Variants in MIA3 observed in about 807,000 individuals in gnomAD.
MIA3 encodes the protein transport and Golgi organization protein 1 homolog.
Under a neutral mutation model 192.4 loss-of-function variants are expected in MIA3, and 90 were observed. The ratio of observed to expected loss-of-function variants is 0.47; its 90% CI spans 0.39 to 0.56. The LOEUF (loss-of-function observed/expected upper bound fraction) is 0.56. Among genes scored for constraint, MIA3 ranks in the 20% least tolerant of loss-of-function variants. MIA3 has a pLI of 0.00. For missense variants in MIA3, 2,123 were observed against 2,269.4 expected (o/e 0.94, Z 1.31); for synonymous variants, 740 against 792.8 (o/e 0.93, Z 1.12).
Position 222,665,334 on chromosome 1 carries a change from C to T in MIA3, c.5439C>T (p.Gly1813=). 1 of 1,613,246 alleles carries T rather than the reference C, an allele frequency of 6.2e-7. No individual in the cohort carries two copies. The highest frequency in any genetic ancestry group is 8.5e-7 in the Non-Finnish European group (1 of 1,179,618). ...GCCCTGGTATGCGTCCACCACTAGG[C>T]TTAAGAGAATTTGCACCAGGCGTTC... ...PFGPGMRPPL[G]LREFAPGVPP... The change falls in exon 28 of 28, where the codon GGC becomes GGT. Residue 1813 remains glycine, a synonymous_variant. Transcript: ENST00000344922.
chr1:222,664,984 GC>G (rs1313499583), intron 27 of MIA3: 1 of 430,886 alleles, frequency 2.3e-6, no homozygotes, highest in Admixed American at 3.0e-5. Flanking sequence ...GATCCCTTGA[GC>G]CTAGGAGTTT....
chr1:222,627,762 CAGT>C lies in MIA3; in HGVS notation c.545_547del (p.Val182del). On this transcript the variant is annotated inframe_deletion, in exon 4 of 28. Transcript: ENST00000344922. Reference sequence around the variant, plus strand: ...AAGGAAAGGGAACCTGAACCTGAACCAGTAGAAGCCAACTCAGAGGAAAGTGAT... The same window carrying C: ...AAGGAAAGGGAACCTGAACCTGAACCAGAAGCCAACTCAGAGGAAAGTGAT... 6.2e-7 allele frequency: 1 copy of C among 1,612,868 alleles called. No homozygotes were observed. The highest frequency in any genetic ancestry group is 8.5e-7 in the Non-Finnish European group (1 of 1,179,704).
Position 222,659,235 on chromosome 1 carries a change from G to A in MIA3, c.4710-218G>A, listed in dbSNP as rs530667039. On this transcript the variant is annotated intron_variant, in intron 19 of 27. Coordinates refer to ENST00000344922, the MANE Select transcript of MIA3 (RefSeq NM_198551.4). The stretch of plus-strand genomic sequence containing the variant: ...ATATTTAGGAACAGTTAAAGGAATT[G>A]TAATATATCAACTCAATCTCCAGCT... 5.4e-5 allele frequency: 30 copies of A among 554,092 alleles called. 1 individual carries two copies. The South Asian group carries it at 5.6e-4, about 10-fold the overall frequency. The allele number at this position is 554,092 out of a possible 1,614,324, so 34.3% of individuals were successfully genotyped here. A position where few individuals can be genotyped will look rare whatever the true frequency, so the allele number is the denominator to read the frequency against.
At chr1:222,618,962 T>C (rs766605866) in intron 1 of MIA3, among the ~76,000 whole-genome samples, 3 of 152,182 alleles carry the variant, frequency 2.0e-5, no homozygotes, top group Non-Finnish European at 4.4e-5. Context: ...GAAGCCGCCT[T>C]GCAGACTGCT....
chr1:222,650,702 T>G lies in MIA3; in HGVS notation c.3789T>G (p.Ile1263Met). Reference protein sequence around the residue: ...KQNMILSDEAIKYKDKIKTLE... With the variant: ...KQNMILSDEAMKYKDKIKTLE... The stretch of plus-strand genomic sequence containing the variant: ...ATATGATTCTCTCTGATGAAGCAAT[T>G]AAATATAAGGTAAAAACTTCTTTTG... The change falls in exon 10 of 28, where the codon ATT becomes ATG. Residue 1263 changes from isoleucine (I) to methionine (M), a missense_variant. This residue lies in a region of MIA3 where 762 missense variants were observed against 856.4 expected (regional missense o/e 0.89). Transcript: ENST00000344922. 1 of 1,595,722 alleles carries G rather than the reference T, an allele frequency of 6.3e-7. No individual in the cohort carries two copies. Among genetic ancestry groups the G allele is most frequent in the Non-Finnish European group, 8.6e-7 (1 of 1,169,324 alleles).
chr1:222,660,364 CTTTTATT>C, intron 24 of MIA3, 50 bp downstream of exon 24: 8 of 1,556,310 alleles, frequency 5.1e-6, no homozygotes, highest in Non-Finnish European at 6.9e-6. Flanking sequence ...GGCTTTTTCC[CTTTTATT>C]TGAGAATTCT....
chr1:222,651,962 GTTTTT>G lies in MIA3; in HGVS notation c.3910-14_3910-10del. The stretch of plus-strand genomic sequence containing the variant: ...AATCCTAATATGCATTTTGTGTTCT[GTTTTT>G]ACATGGCAGATATCAGAAAACAAGA... On this transcript the variant is annotated splice_polypyrimidine_tract_variant and intron_variant, in intron 11 of 27. Transcript: ENST00000344922. 2.1e-6 allele frequency: 3 copies of G among 1,439,818 alleles called. No individual in the cohort carries two copies. Among genetic ancestry groups the G allele is most frequent in the Non-Finnish European group, 2.9e-6 (3 of 1,022,536 alleles). 89.2% of individuals were successfully genotyped at this position (1,439,818 alleles called of 1,614,324 possible).
At position 222,627,893 on chromosome 1, in the gene MIA3, G is replaced by C. The variant is rs184666801; in HGVS notation, c.673G>C (p.Ala225Pro). ...AGCAAATCATGCTCAGGGAGAGCAG[G>C]CTTCATTTGAATCTTTTGAAGAAAT... ...SQANHAQGEQ[A>P]SFESFEEMLQ... The change falls in exon 4 of 28, where the codon GCT becomes CCT. Residue 225 changes from alanine (A) to proline (P), a missense_variant. By Grantham distance (27) the Ala-to-Pro change is conservative (BLOSUM62 -1). Coordinates refer to ENST00000344922, the MANE Select transcript of MIA3 (RefSeq NM_198551.4). 4,242 of 1,614,016 alleles carry C rather than the reference G, an allele frequency of 2.6e-3. 14 individuals carry two copies. The highest frequency in any genetic ancestry group is 2.5e-3 in the Non-Finnish European group (2,973 of 1,180,018).
In MIA3 at chr1:222,652,347, G is replaced by A. The variant is rs368138570; in HGVS notation, c.4086+15G>A. 2.1e-5 allele frequency: 32 copies of A among 1,527,572 alleles called. No homozygotes were observed. Among genetic ancestry groups the A allele is most frequent in the South Asian group, 5.6e-5 (5 of 89,372 alleles). 94.6% of individuals were successfully genotyped at this position (1,527,572 alleles called of 1,614,324 possible). On this transcript the variant is annotated intron_variant, in intron 13 of 27. Coordinates refer to ENST00000344922, the MANE Select transcript of MIA3 (RefSeq NM_198551.4). ...AAAAAGAGCAGGTAAAGGAAAGTGC[G>A]TGTCCCAGGTCATGTAAAATAGAGA...
intron 2 of MIA3, among the ~76,000 whole-genome samples, chr1:222,622,386 A>G (rs1022980386): frequency 6.6e-6 from 1 of 152,220 alleles, no homozygotes; most frequent in African/African-American, 2.4e-5. Context: ...AGGGTCCTCG[A>G]TATCTTTAGG....
intron 4 of MIA3, among the ~76,000 whole-genome samples, chr1:222,631,713 T>C (rs1662405211): frequency 6.6e-6 from 1 of 152,208 alleles, no homozygotes. Context: ...AGAGGTACTT[T>C]GAAAGTATTC....
Position 222,666,459 on chromosome 1 carries a change from G to A in MIA3, c.*840G>A, listed in dbSNP as rs1198898567. On this transcript the variant is annotated 3_prime_UTR_variant, in exon 28 of 28. Transcript: ENST00000344922. Reference sequence around the variant, plus strand: ...TTTTTACCATTCCTGTAGAAAAAGGGTGCACAACAGAAAAATGAAAATGAT... The same window carrying A: ...TTTTTACCATTCCTGTAGAAAAAGGATGCACAACAGAAAAATGAAAATGAT... The A allele has an allele frequency of 1.3e-5, 2 of 152,068 alleles. No individual in the cohort carries two copies. Among genetic ancestry groups the A allele is most frequent in the African/African-American group, 2.4e-5 (1 of 41,392 alleles). 9.4% of individuals were successfully genotyped at this position (152,068 alleles called of 1,614,324 possible).
At chr1:222,632,037 C>T in intron 4 of MIA3, 128 bp from the exon 5 acceptor site, 2 of 665,228 alleles carry the variant, frequency 3.0e-6, no homozygotes, top group South Asian at 2.5e-5. Context: ...ATTTCCCTGC[C>T]CAGTTGTGCT....
At chr1:222,644,322 A>G (rs1571886389) in intron 6 of MIA3, 6 of 1,451,930 alleles carry the variant, frequency 4.1e-6, no homozygotes, top group East Asian at 2.5e-5. Context: ...TATAGGCGGC[A>G]TAAAGCGAAA....
rs1307157138 is a variant in MIA3, at chr1:222,660,164, C to A, written c.4976-13C>A. 1.2e-6 allele frequency: 2 copies of A among 1,607,582 alleles called. No homozygotes were observed. The highest frequency in any genetic ancestry group is 1.7e-6 in the Non-Finnish European group (2 of 1,178,098). On this transcript the variant is annotated splice_polypyrimidine_tract_variant and intron_variant, in intron 23 of 27. Coordinates refer to ENST00000344922, the MANE Select transcript of MIA3 (RefSeq NM_198551.4). ...GCTGTCTTAAAATGCTAACAAGATG[C>A]TGTCATCTTTAGGTCCTCTGAGCCA...
chr1:222,621,334 T>C, intron 2 of MIA3, 42 bp downstream of exon 2: 1 of 1,579,132 alleles, frequency 6.3e-7, no homozygotes, highest in South Asian at 1.2e-5. Context: ...TAATTTTTAT[T>C]GGCTTCTTTA....
intron 7 of MIA3, among the ~76,000 whole-genome samples, chr1:222,647,110 C>G (rs3008626): frequency 1 from 152,325 of 152,356 alleles, 76,147 homozygotes; most frequent in Non-Finnish European, 1. Context: ...TTTCTGATTT[C>G]ATCATGTACT....
At position 222,627,579 on chromosome 1, in the gene MIA3, C is replaced by T. The variant is rs193055682; in HGVS notation, c.359C>T (p.Thr120Met). The change falls in exon 4 of 28, where the codon ACG becomes ATG. Residue 120 changes from threonine to methionine, a missense_variant. This residue lies in a region of MIA3 where 1,357 missense variants were observed against 1,396.1 expected (regional missense o/e 0.97). Coordinates refer to ENST00000344922, the MANE Select transcript of MIA3 (RefSeq NM_198551.4). ...ATGTTTTTCTTTTTCTTACAGGAGA[C>T]GGATTTTGTTTGTTTTGATGGAGGA... ...KEELQVPTDE[T>M]DFVCFDGGRD... The T allele has an allele frequency of 3.7e-3, 5,758 of 1,570,160 alleles. 19 individuals carry two copies. Among genetic ancestry groups the T allele is most frequent in the Non-Finnish European group, 4.3e-3 (5,007 of 1,164,372 alleles).
Position 222,619,877 on chromosome 1 carries a change from C to T in MIA3, c.134-1282C>T, listed in dbSNP as rs138980892. On this transcript the variant is annotated intron_variant, in intron 1 of 27. Coordinates refer to ENST00000344922, the MANE Select transcript of MIA3 (RefSeq NM_198551.4). ...AAGTGTTTAGTAATGTGAGTATGTACGGTGCCCTTGTGTGGTTTTCAAATA... is the reference window on the plus strand; with the variant it reads ...AAGTGTTTAGTAATGTGAGTATGTATGGTGCCCTTGTGTGGTTTTCAAATA... 2.0e-3 allele frequency among the ~76,000 whole-genome samples: 300 copies of T among 152,316 alleles called. 1 individual carries two copies. The highest frequency in any genetic ancestry group is 6.7e-3 in the African/African-American group (280 of 41,574).
Sources: gnomAD v4.1 joint callset for allele counts (sites outside exome capture counted in the v4.1 genomes callset) on GRCh38, gnomAD v4.1.1 for gene constraint, gnomAD v4.1.1 regional missense constraint, MANE v1.5 for transcripts, NCBI Gene and HGNC (gene_info 2026-07-23, HGNC 2026-07-21) for gene names.